CTTNBP2NL: variants seen among roughly 807,000 people sequenced by gnomAD.
CTTNBP2NL encodes CTTNBP2 N-terminal like.
Under a neutral mutation model 32.5 loss-of-function variants are expected in CTTNBP2NL, and 16 were observed. That is an observed-to-expected ratio of 0.49 (90% CI 0.33 to 0.75). The LOEUF is 0.75. CTTNBP2NL is among the 30% of genes least tolerant of loss of function. The probability of loss-of-function intolerance (pLI) is 0.02; values close to 1 mark genes in which losing one functional copy is unlikely to be tolerated. For synonymous variants in CTTNBP2NL, 298 were observed against 289.4 expected (o/e 1.03, Z -0.30); for missense variants, 645 against 756.0 (o/e 0.85, Z 1.72).
At chr1:112,442,263 C>A (rs1227126344) in intron 3 of CTTNBP2NL, among the ~76,000 whole-genome samples, 1 of 152,116 alleles carries the variant, frequency 6.6e-6, no homozygotes, top group Non-Finnish European at 1.5e-5. Flanking sequence ...GTGGGGACTA[C>A]AGGCATGTGC....
upstream of CTTNBP2NL, among the ~76,000 whole-genome samples, chr1:112,392,695 T>C (rs2100983660): frequency 6.6e-6 from 1 of 152,026 alleles, no homozygotes; most frequent in Middle Eastern, 3.4e-3. Flanking sequence ...CGCTGAGACA[T>C]AGAGAGAAGG....
At chr1:112,406,043 G>A (rs1648655377) in intron 1 of CTTNBP2NL, among the ~76,000 whole-genome samples, 1 of 151,864 alleles carries the variant, frequency 6.6e-6, no homozygotes, top group African/African-American at 2.4e-5. Context: ...AATTAGCTGG[G>A]CGTGGTGGTG....
chr1:112,423,573 G>A (rs1471516532), intron 3 of CTTNBP2NL, among the ~76,000 whole-genome samples: 7 of 152,014 alleles, frequency 4.6e-5, no homozygotes, highest in Non-Finnish European at 7.4e-5. Context: ...TTTGTAGACA[G>A]GAAAAAAGAA....
intron 1 of CTTNBP2NL, among the ~76,000 whole-genome samples, chr1:112,404,448 C>T (rs1366765879): frequency 6.6e-6 from 1 of 152,210 alleles, no homozygotes; most frequent in Non-Finnish European, 1.5e-5. Context: ...TCATACCATA[C>T]TCTGGAGTTT....
intron 1 of CTTNBP2NL, among the ~76,000 whole-genome samples, chr1:112,411,493 G>T (rs1329545609): frequency 6.6e-6 from 1 of 152,090 alleles, no homozygotes; most frequent in Non-Finnish European, 1.5e-5. Flanking sequence ...GTATGATAAT[G>T]TATCCACACA....
intron 1 of CTTNBP2NL, among the ~76,000 whole-genome samples, chr1:112,398,923 T>C (rs1384882264): frequency 6.6e-6 from 1 of 151,974 alleles, no homozygotes; most frequent in African/African-American, 2.4e-5. Context: ...ACGTAATGAG[T>C]GCTAATCATT....
upstream of CTTNBP2NL, among the ~76,000 whole-genome samples, chr1:112,391,737 C>A (rs1163267828): frequency 6.6e-6 from 1 of 152,280 alleles, no homozygotes; most frequent in East Asian, 1.9e-4. Context: ...CTCCTGTAAT[C>A]CCAACACTTT....
rs1650142008 is a variant in CTTNBP2NL, at chr1:112,449,111, G to A, written c.269G>A (p.Cys90Tyr). 6.2e-7 allele frequency: 1 copy of A among 1,613,956 alleles called. No individual in the cohort carries two copies. The highest frequency in any genetic ancestry group is 1.3e-5 in the African/African-American group (1 of 74,942). ...LSILKVVMKQ[C>Y]KNMQERMLSQ... The stretch of plus-strand genomic sequence containing the variant: ...ATTCTTAAGGTTGTGATGAAGCAGT[G>A]CAAGAACATGCAGGAGCGCATGCTG... The change falls in exon 4 of 6, where the codon TGC becomes TAC. Residue 90 changes from cysteine (C) to tyrosine (Y), a missense_variant. Cys to Tyr is a radical substitution (Grantham distance 194, BLOSUM62 -2). Transcript: ENST00000271277.
chr1:112,408,220 A>ATTTTTTTTTTTTTTTTTTTTTTTAT (rs397981257), intron 1 of CTTNBP2NL, among the ~76,000 whole-genome samples: 18 of 103,732 alleles, frequency 1.7e-4, no homozygotes, highest in Non-Finnish European at 2.6e-4. Flanking sequence ...TTTTTTTTTA[A>ATTTTTTTTTTTTTTTTTTTTTTTAT]TTTTTTTTTT....
chr1:112,447,433 G>A (rs1650084614), intron 3 of CTTNBP2NL, among the ~76,000 whole-genome samples: 1 of 151,912 alleles, frequency 6.6e-6, no homozygotes, highest in Non-Finnish European at 1.5e-5. Flanking sequence ...CATATTTCCA[G>A]TATACAAATA....
chr1:112,443,517 T>C (rs1649954192), intron 3 of CTTNBP2NL, among the ~76,000 whole-genome samples: 1 of 151,876 alleles, frequency 6.6e-6, no homozygotes, highest in South Asian at 2.1e-4. Flanking sequence ...CCTGGCTAAT[T>C]TTTGTATTTT....
chr1:112,411,642 C>T (rs1041546775), intron 1 of CTTNBP2NL, among the ~76,000 whole-genome samples: 1 of 151,002 alleles, frequency 6.6e-6, no homozygotes, highest in African/African-American at 2.4e-5. Flanking sequence ...GAGAATTTTC[C>T]TTATATGAAT....
chr1:112,449,840 TAA>T (rs1469687947), intron 4 of CTTNBP2NL, among the ~76,000 whole-genome samples: 1 of 151,786 alleles, frequency 6.6e-6, no homozygotes, highest in African/African-American at 2.4e-5. Context: ...ACCCTATTAG[TAA>T]AGAGTGTGTG....
intron 3 of CTTNBP2NL, among the ~76,000 whole-genome samples, chr1:112,425,528 A>C (rs1306690099): frequency 6.6e-6 from 1 of 152,148 alleles, no homozygotes; most frequent in African/African-American, 2.4e-5. Context: ...TCCTGCAACC[A>C]TGCTAATAAA....
At chr1:112,426,001 G>GTC (rs1326817974) in intron 3 of CTTNBP2NL, among the ~76,000 whole-genome samples, 43 of 72,672 alleles carry the variant, frequency 5.9e-4, no homozygotes, top group Admixed American at 1.1e-3. Context: ...GTGTGTGTGT[G>GTC]TGTCTGTCTG....
chr1:112,429,129 T>G (rs763716885), intron 3 of CTTNBP2NL, among the ~76,000 whole-genome samples: 1 of 152,234 alleles, frequency 6.6e-6, no homozygotes, highest in Non-Finnish European at 1.5e-5. Context: ...CTCTGTACCC[T>G]TGTGAAGTTG....
At position 112,460,473 on chromosome 1, in the gene CTTNBP2NL, G is replaced by C. The variant is rs1427213719; in HGVS notation, c.*3061G>C. On this transcript the variant is annotated 3_prime_UTR_variant, in exon 6 of 6. Coordinates refer to ENST00000271277, the MANE Select transcript of CTTNBP2NL (RefSeq NM_018704.3). ...AGTCTGTGATTTTTTAAACCTTTTG[G>C]TGGTTCTGGACCTTTTTGAGAATCT... 1 of 152,156 alleles carries C rather than the reference G, an allele frequency of 6.6e-6. No homozygotes were observed. Among genetic ancestry groups the C allele is most frequent in the Non-Finnish European group, 1.5e-5 (1 of 68,038 alleles). 9.4% of individuals were successfully genotyped at this position (152,156 alleles called of 1,614,324 possible). A position where few individuals can be genotyped will look rare whatever the true frequency, so the allele number is the denominator to read the frequency against.
chr1:112,432,656 G>T (rs1570733645), intron 3 of CTTNBP2NL, among the ~76,000 whole-genome samples: 1 of 149,670 alleles, frequency 6.7e-6, no homozygotes, highest in African/African-American at 2.5e-5. Flanking sequence ...TACTCCATCA[G>T]TTACACCTTG....
intron 3 of CTTNBP2NL, among the ~76,000 whole-genome samples, chr1:112,427,699 T>C (rs2101012764): frequency 6.6e-6 from 1 of 152,136 alleles, no homozygotes; most frequent in East Asian, 1.9e-4. Context: ...ATCGAGACCA[T>C]CCTGGCTGAC....
Sources: gnomAD v4.1 joint callset for allele counts (sites outside exome capture counted in the v4.1 genomes callset) on GRCh38, gnomAD v4.1.1 for gene constraint, MANE v1.5 for transcripts, NCBI Gene and HGNC (gene_info 2026-07-23, HGNC 2026-07-21) for gene names.